The following STK32B variants were observed in gnomAD, a reference collection of about 807,000 sequenced individuals.
STK32B encodes the protein serine/threonine kinase 32B.
Under a neutral mutation model 52.6 loss-of-function variants are expected in STK32B, and 43 were observed. The observed-to-expected ratio is 0.82, with a 90% confidence interval of 0.64 to 1.05. The LOEUF (loss-of-function observed/expected upper bound fraction) is 1.05, where lower values mean the gene tolerates loss of function less well. Among genes scored for constraint, STK32B ranks in the 50% least tolerant of loss-of-function variants. The pLI, the probability that STK32B is intolerant of heterozygous loss-of-function variation, is 0.00. For synonymous variants in STK32B, 238 were observed against 204.3 expected, an observed-to-expected ratio of 1.17 and a Z score of -1.41; for missense variants, 621 against 534.6, an observed-to-expected ratio of 1.16 and a Z score of -1.59.
chr4:5,072,502 C>G (rs1711842845), intron 1 of STK32B, among the ~76,000 whole-genome samples: 1 of 152,146 alleles, frequency 6.6e-6, no homozygotes, highest in Non-Finnish European at 1.5e-5. Flanking sequence ...TCCCTTCACT[C>G]TCATCTTTCA....
At chr4:5,305,484 G>A (rs1560301068) in intron 3 of STK32B, among the ~76,000 whole-genome samples, 1 of 151,932 alleles carries the variant, frequency 6.6e-6, no homozygotes, top group Non-Finnish European at 1.5e-5. Flanking sequence ...TCTAGTTTAT[G>A]TGTGTAAAGG....
chr4:5,129,162 G>A (rs1425163257), intron 1 of STK32B, among the ~76,000 whole-genome samples: 3 of 152,192 alleles, frequency 2.0e-5, no homozygotes, highest in Non-Finnish European at 2.9e-5. Flanking sequence ...TGGCTTTTAT[G>A]TTGTTACAAG....
rs186624907 is a variant in STK32B at position 5,304,380 on chromosome 4, G to T, written c.261-26840G>T. On this transcript the variant is annotated intron_variant, in intron 3 of 11. Transcript: ENST00000282908. ...AGTGTTTCTACTTTTCCTTGTAGAG[G>T]TCTTTCAGCTCCTTGGTTAGGTACA... Among the ~76,000 whole-genome samples, 703 of 149,924 alleles carry T rather than the reference G, an allele frequency of 4.7e-3. 4 individuals are homozygous for T. The highest frequency in any genetic ancestry group is 0.016 in the African/African-American group (665 of 41,042).
chr4:5,056,317 G>A (rs181271467), intron 1 of STK32B, among the ~76,000 whole-genome samples: 1 of 152,308 alleles, frequency 6.6e-6, no homozygotes, highest in Admixed American at 6.5e-5. Context: ...TCAATACAGG[G>A]ATCTTATGTG....
chr4:5,311,056 T>C (rs1201890511), intron 3 of STK32B, among the ~76,000 whole-genome samples: 1 of 152,092 alleles, frequency 6.6e-6, no homozygotes, highest in Non-Finnish European at 1.5e-5. Context: ...CAGGGAAAAT[T>C]AGCATGGAGG....
chr4:5,230,026 C>G (rs954944793), intron 3 of STK32B, among the ~76,000 whole-genome samples: 10 of 151,828 alleles, frequency 6.6e-5, no homozygotes, highest in Non-Finnish European at 1.2e-4. Context: ...GAGTCTCGCT[C>G]TTGTCGTCCA....
rs1203027177 is a variant in STK32B, at chr4:5,159,758, AAT to A, written c.109-8532_109-8531del. Among the ~76,000 whole-genome samples the A allele has an allele frequency of 1.0e-4, 14 of 140,596 alleles. 1 individual carries two copies. The highest frequency in any genetic ancestry group is 2.3e-4 in the African/African-American group (9 of 38,694). 92.2% of individuals were successfully genotyped at this position (140,596 alleles called of 152,430 possible). ...ATATATGAATATATGAATGTATATG[AAT>A]ATATATATGAATATATGAATGTTTA... On this transcript the variant is annotated intron_variant, in intron 2 of 11. Coordinates refer to ENST00000282908, the MANE Select transcript of STK32B (RefSeq NM_018401.3).
intron 6 of STK32B, among the ~76,000 whole-genome samples, chr4:5,422,660 G>T (rs987826246): frequency 6.6e-6 from 1 of 152,184 alleles, no homozygotes. Flanking sequence ...GTGTTTAGGA[G>T]GTACAGGGCT....
rs1366066086 is a variant in STK32B, at chr4:5,140,969, C to G, written c.108+1009C>G. Reference sequence around the variant, plus strand: ...ATGGTACATTAGATAATGATAAGTACATTAAAATACAGTAAGGTAAGGGGA... The same window carrying G: ...ATGGTACATTAGATAATGATAAGTAGATTAAAATACAGTAAGGTAAGGGGA... On this transcript the variant is annotated intron_variant, in intron 2 of 11. Coordinates refer to ENST00000282908, the MANE Select transcript of STK32B (RefSeq NM_018401.3). 2.0e-5 allele frequency among the ~76,000 whole-genome samples: 3 copies of G among 152,050 alleles called. No homozygotes were observed. In the East Asian group the frequency reaches 5.8e-4, roughly 29 times the overall value.
intron 3 of STK32B, among the ~76,000 whole-genome samples, chr4:5,210,012 G>A (rs1722811247): frequency 1.3e-5 from 2 of 152,200 alleles, no homozygotes; most frequent in Admixed American, 6.5e-5. Flanking sequence ...TGATTTGGAT[G>A]TAACAGCACA....
chr4:5,203,742 G>A lies in STK32B; in HGVS notation c.260+35292G>A, dbSNP rs1722336700. ...CTAATTTTTCTATTCCAACCCAAAT[G>A]CCTCAGATCATTCCTTTGCTTCCGT... On this transcript the variant is annotated intron_variant, in intron 3 of 11. Coordinates refer to ENST00000282908, the MANE Select transcript of STK32B (RefSeq NM_018401.3). 2.0e-5 allele frequency among the ~76,000 whole-genome samples: 3 copies of A among 152,150 alleles called. No individual in the cohort carries two copies. In the South Asian group the frequency reaches 6.2e-4, roughly 32 times the overall value.
intron 11 of STK32B, among the ~76,000 whole-genome samples, chr4:5,485,403 G>T (rs553454780): frequency 6.6e-6 from 1 of 151,886 alleles, no homozygotes; most frequent in Middle Eastern, 3.2e-3. Flanking sequence ...TTGTGCATTC[G>T]TCATGTAGTT....
At chr4:5,128,515 T>C (rs1235472139) in intron 1 of STK32B, among the ~76,000 whole-genome samples, 1 of 152,200 alleles carries the variant, frequency 6.6e-6, no homozygotes, top group Non-Finnish European at 1.5e-5. Flanking sequence ...ATTCAGTGTT[T>C]TTGCTGGTAA....
chr4:5,052,320 G>A (rs1741822618), intron 1 of STK32B, among the ~76,000 whole-genome samples: 1 of 152,134 alleles, frequency 6.6e-6, no homozygotes, highest in Non-Finnish European at 1.5e-5. Context: ...GGGTTGCACC[G>A]TGTGTCTGTG....
At chr4:5,355,060 T>C (rs1734081736) in intron 4 of STK32B, among the ~76,000 whole-genome samples, 1 of 152,170 alleles carries the variant, frequency 6.6e-6, no homozygotes, top group Non-Finnish European at 1.5e-5. Context: ...ACCTTGACTT[T>C]CCATGCTGTT....
At chr4:5,026,471 C>T in the STK32B span, among the ~76,000 whole-genome samples, 11 of 152,258 alleles carry the variant, frequency 7.2e-5, 1 homozygote, top group Admixed American at 7.2e-4. Context: ...AGAATAAGAA[C>T]CGAGCAAAGG....
chr4:5,244,932 G>A (rs565581989), intron 3 of STK32B, among the ~76,000 whole-genome samples: 26 of 152,332 alleles, frequency 1.7e-4, no homozygotes, highest in Non-Finnish European at 2.9e-4. Flanking sequence ...TTGCACTGTG[G>A]TCTGAGACAC....
At chr4:5,474,039 G>T (rs757746731) in intron 11 of STK32B, among the ~76,000 whole-genome samples, 2 of 152,090 alleles carry the variant, frequency 1.3e-5, no homozygotes, top group African/African-American at 4.8e-5. Flanking sequence ...ACTTGAACCC[G>T]GGAGGCAGAA....
At chr4:5,041,793 A>G in the STK32B span, among the ~76,000 whole-genome samples, 1 of 131,642 alleles carries the variant, frequency 7.6e-6, no homozygotes, top group Non-Finnish European at 1.6e-5. Flanking sequence ...GTGCCACAAA[A>G]CAGCCTTTAT....
Sources: allele counts gnomAD v4.1 joint callset (sites outside exome capture counted in the v4.1 genomes callset), GRCh38; gene constraint gnomAD v4.1.1; transcripts MANE v1.5; gene names NCBI Gene and HGNC (gene_info 2026-07-23, HGNC 2026-07-21).